AHCYL2: variants seen among roughly 807,000 people sequenced by gnomAD.
AHCYL2 encodes the protein S-adenosylhomocysteine hydrolase-like protein 2.
In AHCYL2, 28 loss-of-function variants were observed where a neutral mutation model predicts 81.4. The observed-to-expected ratio is 0.34, with a 90% CI of 0.25 to 0.47. The LOEUF is 0.47. Ranked by LOEUF, AHCYL2 falls within the 20% of genes least tolerant of loss-of-function variation. AHCYL2 has a pLI of 1.00. For synonymous variants in AHCYL2, 272 were observed against 290.2 expected (o/e 0.94, Z 0.64); for missense variants, 551 against 785.1 (o/e 0.70, Z 3.56).
chr7:129,423,297 G>T (rs1199321132), intron 13 of AHCYL2, among the ~76,000 whole-genome samples: 1 of 152,168 alleles, frequency 6.6e-6, no homozygotes, highest in Non-Finnish European at 1.5e-5. Flanking sequence ...AAGTAGATAT[G>T]CCCGACTGTA....
chr7:129,404,319 A>G (rs1427399142), intron 7 of AHCYL2, among the ~76,000 whole-genome samples: 1 of 152,140 alleles, frequency 6.6e-6, no homozygotes, highest in Non-Finnish European at 1.5e-5. Context: ...ATTTCAGTTC[A>G]ATTTCTGTGA....
intron 1 of AHCYL2, among the ~76,000 whole-genome samples, chr7:129,271,466 G>T (rs547867635): frequency 6.6e-6 from 1 of 152,046 alleles, no homozygotes; most frequent in African/African-American, 2.4e-5. Flanking sequence ...ATACATTATG[G>T]TATATTCATA....
intron 14 of AHCYL2, 44 bp downstream of exon 14, chr7:129,424,986 T>C: frequency 6.2e-7 from 1 of 1,613,190 alleles, no homozygotes; most frequent in Non-Finnish European, 8.5e-7. Context: ...GAGAAGGTCC[T>C]CAGACCCACC....
chr7:129,243,616 C>T (rs190916275), intron 1 of AHCYL2, among the ~76,000 whole-genome samples: 455 of 152,178 alleles, frequency 3.0e-3, no homozygotes, highest in Middle Eastern at 6.8e-3. Flanking sequence ...GAGTCTTGCT[C>T]TGTCGCCCAG....
chr7:129,385,855 A>T (rs1198629741), intron 2 of AHCYL2, among the ~76,000 whole-genome samples: 1 of 152,190 alleles, frequency 6.6e-6, no homozygotes, highest in African/African-American at 2.4e-5. Flanking sequence ...ACTCTGTTCA[A>T]GTGTGTTTGT....
intron 1 of AHCYL2, among the ~76,000 whole-genome samples, chr7:129,351,177 T>A (rs978739488): frequency 6.6e-6 from 1 of 152,214 alleles, no homozygotes; most frequent in Non-Finnish European, 1.5e-5. Flanking sequence ...GTCAAAGATA[T>A]ATACTTATTT....
intron 1 of AHCYL2, among the ~76,000 whole-genome samples, chr7:129,312,579 A>G (rs980962554): frequency 2.6e-5 from 4 of 152,116 alleles, no homozygotes; most frequent in Admixed American, 6.5e-5. Flanking sequence ...CAGCTCTGCT[A>G]CACTCCTTCA....
rs1480996055 is a variant in AHCYL2, at chr7:129,225,108, C to T, written c.32C>T (p.Ala11Val). 3 of 1,599,414 alleles carry T rather than the reference C, an allele frequency of 1.9e-6. No homozygotes were observed. Among genetic ancestry groups the T allele is most frequent in the South Asian group, 2.3e-5 (2 of 88,750 alleles). The change falls in exon 1 of 17, where the codon GCC becomes GTC. Residue 11 changes from alanine (A) to valine (V), a missense_variant. Physicochemically the swap from Ala to Val is moderately conservative, Grantham distance 64 (BLOSUM62 0). Transcript: ENST00000325006. MSVQVVSAAA[A>V]AKVPEVELKD... ...GTGCAGGTTGTGTCAGCCGCGGCTGCCGCCAAGGTGCCTGAGGTGGAGCTG... is the reference window on the plus strand; with the variant it reads ...GTGCAGGTTGTGTCAGCCGCGGCTGTCGCCAAGGTGCCTGAGGTGGAGCTG...
At chr7:129,353,278 C>T (rs1793631309) in intron 1 of AHCYL2, among the ~76,000 whole-genome samples, 2 of 152,100 alleles carry the variant, frequency 1.3e-5, no homozygotes, top group African/African-American at 4.8e-5. Context: ...TCTTTACAAC[C>T]TCATTCTCCC....
intron 1 of AHCYL2, among the ~76,000 whole-genome samples, chr7:129,227,357 A>ACG (rs1325482101): frequency 6.6e-6 from 1 of 151,104 alleles, no homozygotes; most frequent in Non-Finnish European, 1.5e-5. Flanking sequence ...ATCATGGCTC[A>ACG]CGTCTGTAAT....
intron 1 of AHCYL2, among the ~76,000 whole-genome samples, chr7:129,369,481 C>G (rs1408403757): frequency 6.6e-6 from 1 of 151,412 alleles, no homozygotes; most frequent in Non-Finnish European, 1.5e-5. Flanking sequence ...ATTGTTACAA[C>G]TATTTTTTAT....
intron 1 of AHCYL2, among the ~76,000 whole-genome samples, chr7:129,302,396 A>G (rs1041465084): frequency 1.3e-5 from 2 of 152,112 alleles, no homozygotes; most frequent in Non-Finnish European, 2.9e-5. Flanking sequence ...TTCCAGTACT[A>G]TATTGGATCA....
At chr7:129,241,657 A>G (rs1584694539) in intron 1 of AHCYL2, among the ~76,000 whole-genome samples, 1 of 152,206 alleles carries the variant, frequency 6.6e-6, no homozygotes, top group East Asian at 1.9e-4. Context: ...AAGTGTACTC[A>G]TTATCCAGTT....
At chr7:129,311,091 G>C (rs1797640977) in intron 1 of AHCYL2, among the ~76,000 whole-genome samples, 1 of 150,538 alleles carries the variant, frequency 6.6e-6, no homozygotes, top group South Asian at 2.1e-4. Context: ...CTGGGCAAGA[G>C]TGAAACCCTG....
intron 1 of AHCYL2, among the ~76,000 whole-genome samples, chr7:129,289,143 G>T (rs1220203670): frequency 6.6e-6 from 1 of 151,974 alleles, no homozygotes; most frequent in South Asian, 2.1e-4. Context: ...AGGCTGGAGT[G>T]CAGTGGCACA....
At chr7:129,324,990 A>G (rs6467237) in intron 1 of AHCYL2, among the ~76,000 whole-genome samples, 53,478 of 152,102 alleles carry the variant, frequency 0.35, 10,066 homozygotes, top group African/African-American at 0.5. Flanking sequence ...CAGCCTTCAC[A>G]TTATTATTGT....
intron 1 of AHCYL2, among the ~76,000 whole-genome samples, chr7:129,301,696 C>T (rs1263162255): frequency 6.6e-6 from 1 of 152,076 alleles, no homozygotes; most frequent in Non-Finnish European, 1.5e-5. Context: ...TTTCTGGGTT[C>T]TCTATTCTGT....
At chr7:129,340,019 C>A (rs1285978818) in intron 1 of AHCYL2, among the ~76,000 whole-genome samples, 1 of 146,606 alleles carries the variant, frequency 6.8e-6, no homozygotes, top group African/African-American at 2.5e-5. Flanking sequence ...CCCGGGTTCA[C>A]GCCATTCTTC....
chr7:129,238,174 G>C (rs1794707068), intron 1 of AHCYL2, among the ~76,000 whole-genome samples: 1 of 152,162 alleles, frequency 6.6e-6, no homozygotes, highest in Non-Finnish European at 1.5e-5. Context: ...TTCCTGGAAG[G>C]CAAATAAAGA....
Sources: gnomAD v4.1 joint callset for allele counts (sites outside exome capture counted in the v4.1 genomes callset) on GRCh38, gnomAD v4.1.1 for gene constraint, MANE v1.5 for transcripts, NCBI Gene and HGNC (gene_info 2026-07-23, HGNC 2026-07-21) for gene names.